IPO9: variants seen among roughly 807,000 people sequenced by gnomAD.
IPO9 encodes the protein importin 9, also known as importin-9.
In IPO9, 28 loss-of-function variants were observed where a neutral mutation model predicts 128.6. The observed-to-expected ratio is 0.22, with a 90% confidence interval of 0.16 to 0.30. The LOEUF is 0.30. Ranked by LOEUF, IPO9 falls within the 10% of genes least tolerant of loss-of-function variation. The probability of loss-of-function intolerance (pLI) is 1.00; values close to 1 mark genes in which losing one functional copy is unlikely to be tolerated. For synonymous variants in IPO9, 455 were observed against 475.8 expected (o/e 0.96, Z 0.57); for missense variants, 935 against 1,293.9 (o/e 0.72, Z 4.26).
chr1:201,831,451 G>A (rs990157198), intron 1 of IPO9, among the ~76,000 whole-genome samples: 21 of 152,132 alleles, frequency 1.4e-4, no homozygotes, highest in Admixed American at 1.3e-3. Context: ...GGCTGCTTGT[G>A]TCTTTTAAGT....
In IPO9 at chr1:201,877,181, T is replaced by C. The variant is rs895867916; in HGVS notation, c.*1127T>C. On this transcript the variant is annotated 3_prime_UTR_variant, in exon 24 of 24. Coordinates refer to ENST00000361565, the MANE Select transcript of IPO9 (RefSeq NM_018085.5). The stretch of plus-strand genomic sequence containing the variant: ...ATTGGGAAGTTTAGTCTGTTTGGGG[T>C]TCAAAGAGTAAATGAGGATTAGAAA... 1.3e-5 allele frequency: 2 copies of C among 152,196 alleles called. No homozygotes were observed. Among genetic ancestry groups the C allele is most frequent in the African/African-American group, 4.8e-5 (2 of 41,444 alleles). The allele number at this position is 152,196 out of a possible 1,614,324, so 9.4% of individuals were successfully genotyped here. A position where few individuals can be genotyped will look rare whatever the true frequency, so the allele number is the denominator to read the frequency against.
Position 201,870,890 on chromosome 1 carries a change from T to C in IPO9, c.2409+32T>C. ...GAGCAGTGGGGAGTGGGCTTCCTAC[T>C]CCCTGGCTGATAGAAATGAAAATTC... On this transcript the variant is annotated intron_variant, in intron 18 of 23. Transcript: ENST00000361565. The surrounding 1 kb of genome is among the most constrained non-coding windows in gnomAD (Gnocchi z 4.9). The C allele has an allele frequency of 6.4e-7, 1 of 1,571,582 alleles. No individual in the cohort carries two copies. The highest frequency in any genetic ancestry group is 8.6e-7 in the Non-Finnish European group (1 of 1,160,452).
Position 201,871,217 on chromosome 1 carries a change from G to T in IPO9, c.2466G>T (p.Glu822Asp), listed in dbSNP as rs1427049965. The change falls in exon 19 of 24, where the codon GAG (glutamate) becomes GAT (aspartate). Residue 822 changes from glutamate (E) to aspartate (D), a missense_variant. Coordinates refer to ENST00000361565, the MANE Select transcript of IPO9 (RefSeq NM_018085.5). The part of the protein sequence containing the change: ...LVHTQLEPLL[E>D]FLCSLPGPTG... ...ACACTCAGCTAGAACCTCTCTTGGA[G>T]TTCCTGTGTAGCCTCCCAGGACCTA... The T allele has an allele frequency of 6.2e-7, 1 of 1,613,830 alleles. No homozygotes were observed. The highest frequency in any genetic ancestry group is 2.2e-5 in the East Asian group (1 of 44,864).
intron 23 of IPO9, 38 bp downstream of exon 23, chr1:201,875,266 C>A: frequency 6.4e-7 from 1 of 1,553,956 alleles, no homozygotes; most frequent in Non-Finnish European, 8.9e-7. Flanking sequence ...ATGACAATGT[C>A]CCAGGCCATG....
Position 201,829,158 on chromosome 1 carries a change from T to C in IPO9, c.-52T>C. 7.1e-7 allele frequency: 1 copy of C among 1,405,350 alleles called. No individual in the cohort carries two copies. Among genetic ancestry groups the C allele is most frequent in the Non-Finnish European group, 9.2e-7 (1 of 1,083,992 alleles). 87.1% of individuals were successfully genotyped at this position (1,405,350 alleles called of 1,614,324 possible). A position where few individuals can be genotyped will look rare whatever the true frequency, so the allele number is the denominator to read the frequency against. On this transcript the variant is annotated 5_prime_UTR_variant, in exon 1 of 24. Transcript: ENST00000361565. Reference sequence around the variant, plus strand: ...GCGGATTGGCCGCGCGCGGGGGCCGTCATTCGGTGGCGGGTCCCGGCCGCG... The same window carrying C: ...GCGGATTGGCCGCGCGCGGGGGCCGCCATTCGGTGGCGGGTCCCGGCCGCG...
intron 4 of IPO9, chr1:201,850,659 A>C (rs1680197638): frequency 6.6e-6 from 1 of 152,238 alleles, no homozygotes. Flanking sequence ...AATTGATACC[A>C]GGGATGAGTA....
At chr1:201,871,012 C>A in intron 18 of IPO9, 149 bp from the exon 19 acceptor site, 2 of 1,278,822 alleles carry the variant, frequency 1.6e-6, no homozygotes, top group Non-Finnish European at 1.1e-6. Flanking sequence ...GCCTAAGAAA[C>A]ATGGACAAGG....
At chr1:201,874,463 ATTGAAAAAAAAAG>A (rs1680721059) in intron 21 of IPO9, 91 bp downstream of exon 21, 45 of 1,468,066 alleles carry the variant, frequency 3.1e-5, no homozygotes, top group Non-Finnish European at 4.1e-5. Flanking sequence ...TGAGTCACTA[ATTGAAAAAAAAAG>A]TTGATGGAAT....
At chr1:201,853,122 C>T (rs1335512877) in intron 6 of IPO9, 25 bp downstream of exon 6, 7 of 1,588,722 alleles carry the variant, frequency 4.4e-6, no homozygotes, top group Admixed American at 1.7e-5. Flanking sequence ...GGATCAATAA[C>T]AGACTTCATG....
At chr1:201,858,217 G>A (rs562447801) in intron 11 of IPO9, among the ~76,000 whole-genome samples, 12 of 152,210 alleles carry the variant, frequency 7.9e-5, no homozygotes, top group Non-Finnish European at 1.8e-4. Flanking sequence ...AGCCAAAGGA[G>A]CCAACTGGTT....
Position 201,870,291 on chromosome 1 carries a change from T to G in IPO9, c.2134-292T>G, listed in dbSNP as rs1438461790. ...AAGCATATTTTTTTAGTACCAGAGG[T>G]AGACCTTTATGATTAAAATTCATTT... On this transcript the variant is annotated intron_variant, in intron 17 of 23. Coordinates refer to ENST00000361565, the MANE Select transcript of IPO9 (RefSeq NM_018085.5). This position sits in a 1 kb window ranked among gnomAD's most constrained non-coding sequence, Gnocchi z 4.9. 6.6e-6 allele frequency among the ~76,000 whole-genome samples: 1 copy of G among 152,126 alleles called. No homozygotes were observed. The highest frequency in any genetic ancestry group is 1.9e-4 in the East Asian group (1 of 5,194).
In IPO9 at chr1:201,847,547, C is replaced by T. The variant is rs368629247; in HGVS notation, c.226-5C>T. 1,031 of 1,613,180 alleles carry T rather than the reference C, an allele frequency of 6.4e-4. 3 individuals are homozygous for T. Among genetic ancestry groups the T allele is most frequent in the Non-Finnish European group, 6.1e-4 (721 of 1,179,394 alleles). On this transcript the variant is annotated splice_region_variant and splice_polypyrimidine_tract_variant and intron_variant, in intron 2 of 23. Coordinates refer to ENST00000361565, the MANE Select transcript of IPO9 (RefSeq NM_018085.5). ...GCTGTACTACTTGGCTTATTCTCTT[C>T]ACAGCTGGCATCAGTCATCTTGAAA...
In IPO9 at chr1:201,883,171, T is replaced by TTCCCCCC. The variant is rs1553293525; in HGVS notation, c.*7117_*7118insTCCCCCC. The TTCCCCCC allele has an allele frequency of 1.5e-5, 2 of 134,410 alleles. No individual in the cohort carries two copies. Among genetic ancestry groups the TTCCCCCC allele is most frequent in the Non-Finnish European group, 1.6e-5 (1 of 62,354 alleles). 8.3% of individuals were successfully genotyped at this position (134,410 alleles called of 1,614,324 possible). A position where few individuals can be genotyped will look rare whatever the true frequency, so the allele number is the denominator to read the frequency against. ...GTGTATTAATTTGCTTTCACTAGAT[T>TTCCCCCC]CCCCCCCCCCCAACAACTTAGTCCA... On this transcript the variant is annotated 3_prime_UTR_variant, in exon 24 of 24. Coordinates refer to ENST00000361565, the MANE Select transcript of IPO9 (RefSeq NM_018085.5).
At chr1:201,841,503 G>A (rs1304441243) in intron 1 of IPO9, among the ~76,000 whole-genome samples, 2 of 152,158 alleles carry the variant, frequency 1.3e-5, no homozygotes, top group African/African-American at 2.4e-5. Context: ...TAGGTATACT[G>A]TACTTCCTAG....
At chr1:201,856,669 TTTG>T (rs145657297) in intron 10 of IPO9, among the ~76,000 whole-genome samples, 44,414 of 151,822 alleles carry the variant, frequency 0.29, 6,657 homozygotes, top group Non-Finnish European at 0.33. Context: ...TGTTTCAGTT[TTTG>T]TTGTTGTTGT....
rs1680784327 is a variant in IPO9, at chr1:201,877,375, G to T, written c.*1321G>T. ...AAATTAGCTGGGCATGGTGGTGCAT[G>T]CCTGTAATCCCAGTTAACTTGAGAT... On this transcript the variant is annotated 3_prime_UTR_variant, in exon 24 of 24. Transcript: ENST00000361565. 1 of 152,122 alleles carries T rather than the reference G, an allele frequency of 6.6e-6. No homozygotes were observed. The allele number at this position is 152,122 out of a possible 1,614,324, so 9.4% of individuals were successfully genotyped here.
intron 1 of IPO9, among the ~76,000 whole-genome samples, chr1:201,830,730 C>T (rs1679818193): frequency 6.6e-6 from 1 of 152,230 alleles, no homozygotes; most frequent in Admixed American, 6.5e-5. Context: ...AACCTCATCA[C>T]ATTCAAGTTG....
intron 4 of IPO9, among the ~76,000 whole-genome samples, 157 bp downstream of exon 4, chr1:201,848,751 A>G (rs568131221): frequency 4.7e-4 from 72 of 152,102 alleles, no homozygotes; most frequent in Non-Finnish European, 9.4e-4. Flanking sequence ...CTCCAGCTCT[A>G]TTGTTTTTTT....
At chr1:201,875,012 A>G (rs891106260) in intron 22 of IPO9, 76 bp downstream of exon 22, 12 of 1,364,880 alleles carry the variant, frequency 8.8e-6, no homozygotes, top group East Asian at 4.6e-5. Flanking sequence ...GGGGTACCCA[A>G]GAAAGGGGAG....
Sources: gnomAD v4.1 joint callset for allele counts (sites outside exome capture counted in the v4.1 genomes callset) on GRCh38, gnomAD v4.1.1 for gene constraint, Gnocchi (gnomAD v3.1) non-coding constraint, MANE v1.5 for transcripts, NCBI Gene and HGNC (gene_info 2026-07-23, HGNC 2026-07-21) for gene names.